The following SLC8A1 variants were observed in gnomAD, a reference collection of about 807,000 sequenced individuals.
SLC8A1 encodes the protein sodium/calcium exchanger 1.
A neutral mutation model predicts 68.3 loss-of-function variants in SLC8A1; 18 were observed. That is an observed-to-expected ratio of 0.26 (90% CI 0.18 to 0.39). The LOEUF is 0.39. Among genes scored for constraint, SLC8A1 ranks in the 10% least tolerant of loss-of-function variants. The pLI is 1.00. For missense variants in SLC8A1, 985 were observed against 1,156.7 expected (o/e 0.85, Z 2.15); for synonymous variants, 475 against 415.5 (o/e 1.14, Z -1.74).
intron 2 of SLC8A1, among the ~76,000 whole-genome samples, chr2:40,220,932 A>G (rs1465605713): frequency 6.6e-6 from 1 of 152,106 alleles, no homozygotes; most frequent in Non-Finnish European, 1.5e-5. Context: ...TTCATAGCCA[A>G]ATTCTGCCAG....
chr2:40,349,639 T>A (rs753421105), intron 2 of SLC8A1, among the ~76,000 whole-genome samples: 2 of 152,296 alleles, frequency 1.3e-5, no homozygotes, highest in African/African-American at 2.4e-5. Flanking sequence ...TTTAGCACAG[T>A]GCCTGGCATG....
chr2:40,099,081 A>C (rs2033742890), exon 8 of SLC8A1: 1 of 152,052 alleles, frequency 6.6e-6, no homozygotes, highest in Non-Finnish European at 1.5e-5. Flanking sequence ...CAACTCATTA[A>C]TACTAGAGAA....
chr2:40,280,132 C>T (rs546129318), intron 2 of SLC8A1, among the ~76,000 whole-genome samples: 1 of 151,376 alleles, frequency 6.6e-6, no homozygotes, highest in East Asian at 1.9e-4. Flanking sequence ...AAGATTATCT[C>T]TGGATTGCAA....
intron 2 of SLC8A1, among the ~76,000 whole-genome samples, chr2:40,267,944 C>T (rs575957376): frequency 6.6e-6 from 1 of 152,068 alleles, no homozygotes; most frequent in African/African-American, 2.4e-5. Flanking sequence ...TTGCTGACAG[C>T]CACCCTTTTC....
intron 2 of SLC8A1, among the ~76,000 whole-genome samples, chr2:40,350,276 G>C (rs1670645624): frequency 1.3e-5 from 2 of 152,060 alleles, no homozygotes; most frequent in Non-Finnish European, 2.9e-5. Flanking sequence ...GAGCCCAGGA[G>C]TTCAAGACCA....
At chr2:40,362,920 G>T (rs181925773) in intron 2 of SLC8A1, among the ~76,000 whole-genome samples, 4 of 152,150 alleles carry the variant, frequency 2.6e-5, no homozygotes, top group Admixed American at 1.3e-4. Flanking sequence ...TGTTATTTGA[G>T]ACTACCCCAT....
intron 1 of SLC8A1, among the ~76,000 whole-genome samples, chr2:40,501,884 G>T (rs1046608967): frequency 5.9e-5 from 9 of 151,988 alleles, no homozygotes; most frequent in African/African-American, 1.9e-4. Context: ...TATAACCAGG[G>T]AATCAAAGTG....
At chr2:40,112,457 A>C (rs1454462941) in exon 8 of SLC8A1, 1 of 152,608 alleles carries the variant, frequency 6.6e-6, no homozygotes, top group African/African-American at 2.4e-5. Context: ...TTAAAAAGCA[A>C]ACAAACCAAA....
chr2:40,354,525 C>T (rs1037334366), intron 2 of SLC8A1, among the ~76,000 whole-genome samples: 4 of 152,134 alleles, frequency 2.6e-5, no homozygotes, highest in African/African-American at 9.7e-5. Flanking sequence ...TCATAATTCA[C>T]ACAGTCAGTC....
exon 8 of SLC8A1, chr2:40,113,576 C>G (rs1390888202): frequency 2.0e-5 from 3 of 152,684 alleles, no homozygotes; most frequent in Non-Finnish European, 2.9e-5. Flanking sequence ...CTTTCTTACT[C>G]AGCAACTACT....
intron 7 of SLC8A1, among the ~76,000 whole-genome samples, chr2:40,120,209 T>C (rs1381141696): frequency 6.6e-6 from 1 of 152,230 alleles, no homozygotes; most frequent in African/African-American, 2.4e-5. Context: ...TGGCTCTTAG[T>C]GTTCTTTGGG....
intron 2 of SLC8A1, among the ~76,000 whole-genome samples, chr2:40,295,198 C>T (rs968840650): frequency 6.6e-6 from 1 of 151,992 alleles, no homozygotes; most frequent in Non-Finnish European, 1.5e-5. Flanking sequence ...CTCTTGGGCT[C>T]AAGTGATCCT....
At chr2:40,164,727 C>T in intron 5 of SLC8A1, 127 bp downstream of exon 8, 4 of 1,306,036 alleles carry the variant, frequency 3.1e-6, no homozygotes, top group Non-Finnish European at 4.2e-6. Flanking sequence ...GCTCTCAATT[C>T]ACAAGCCAGT....
intron 6 of SLC8A1, among the ~76,000 whole-genome samples, chr2:40,141,393 C>G (rs1321249938): frequency 6.6e-6 from 1 of 152,236 alleles, no homozygotes; most frequent in Non-Finnish European, 1.5e-5. Context: ...CAATGGCCTG[C>G]TCTTTCATGA....
At chr2:40,175,666 G>C (rs535538249) in intron 3 of SLC8A1, among the ~76,000 whole-genome samples, 26 of 152,112 alleles carry the variant, frequency 1.7e-4, no homozygotes, top group African/African-American at 6.0e-4. Context: ...ATATGAGTGA[G>C]GCTTCCTCAT....
intron 1 of SLC8A1, among the ~76,000 whole-genome samples, chr2:40,492,407 G>A (rs1024276704): frequency 6.6e-6 from 1 of 152,044 alleles, no homozygotes; most frequent in East Asian, 1.9e-4. Context: ...GAAAACCTAG[G>A]CATTACCATT....
At chr2:40,224,182 C>G (rs1258962762) in intron 2 of SLC8A1, among the ~76,000 whole-genome samples, 1 of 152,076 alleles carries the variant, frequency 6.6e-6, no homozygotes. Context: ...GCACCATACT[C>G]TTTTAATTGA....
At chr2:40,282,401 TC>T (rs1163830547) in intron 2 of SLC8A1, among the ~76,000 whole-genome samples, 2 of 152,186 alleles carry the variant, frequency 1.3e-5, no homozygotes, top group Non-Finnish European at 2.9e-5. Context: ...CTCTTCTGTA[TC>T]TCTGTATTAC....
intron 2 of SLC8A1, chr2:40,251,078 A>AT (rs899322589): frequency 1.3e-5 from 2 of 152,156 alleles, no homozygotes; most frequent in Admixed American, 6.5e-5. Flanking sequence ...ACTTTGAAGA[A>AT]TTTTTTTAAG....
Sources: gnomAD v4.1 joint callset for allele counts (sites outside exome capture counted in the v4.1 genomes callset) on GRCh38, gnomAD v4.1.1 for gene constraint, MANE v1.5 for transcripts, NCBI Gene and HGNC (gene_info 2026-07-23, HGNC 2026-07-21) for gene names.